SNX5: variants seen among roughly 807,000 people sequenced by gnomAD.
The protein encoded by SNX5 is sorting nexin 5, also known as sorting nexin-5.
Under a neutral mutation model 53.9 loss-of-function variants are expected in SNX5, and 31 were observed. That is an observed-to-expected ratio of 0.58 (90% CI 0.43 to 0.78). The LOEUF is 0.78. SNX5 is among the 30% of genes least tolerant of loss of function. The pLI is 0.00. For synonymous variants in SNX5, 168 were observed against 171.1 expected, an observed-to-expected ratio of 0.98 and a Z score of 0.14; for missense variants, 471 against 478.8, an observed-to-expected ratio of 0.98 and a Z score of 0.15.
At chr20:17,966,628 T>C (rs1197239123) in intron 1 of SNX5, among the ~76,000 whole-genome samples, 2 of 152,222 alleles carry the variant, frequency 1.3e-5, no homozygotes, top group African/African-American at 4.8e-5. Flanking sequence ...AAGAATCAAG[T>C]ATGTCCCCCT....
intron 1 of SNX5, among the ~76,000 whole-genome samples, chr20:17,958,038 T>C (rs896078751): frequency 1.4e-5 from 2 of 144,814 alleles, no homozygotes; most frequent in African/African-American, 5.1e-5. Context: ...GAGAGAACAG[T>C]GGCAGCACTA....
At chr20:17,961,969 C>A (rs2035460131) in intron 1 of SNX5, 2 of 977,984 alleles carry the variant, frequency 2.0e-6, no homozygotes, top group Non-Finnish European at 2.4e-6. Flanking sequence ...TTAATGTCCA[C>A]AAATATTAAA....
In SNX5 at chr20:17,957,006, T is replaced by C. The variant is rs114912822; in HGVS notation, c.83A>G (p.Asp28Gly). ...LRSVSVDLNVDPSLQIDIPDA... is the reference protein window; with the variant it reads ...LRSVSVDLNVGPSLQIDIPDA... The stretch of plus-strand genomic sequence containing the variant: ...AGGTATGTCAATCTGAAGCGAGGGA[T>C]CAACATTCAGGTCCACAGATACAGA... The change falls in exon 2 of 13, where the codon GAT (aspartate) becomes GGT (glycine). Residue 28 changes from aspartate (D) to glycine (G), a missense_variant. By Grantham distance (94) the Asp-to-Gly change is moderately conservative. Transcript: ENST00000377759. 7 of 1,608,392 alleles carry C rather than the reference T, an allele frequency of 4.4e-6. No individual in the cohort carries two copies. In the East Asian group the frequency reaches 1.6e-4, roughly 36 times the overall value.
chr20:17,956,531 C>T (rs567608470), intron 2 of SNX5, among the ~76,000 whole-genome samples: 17 of 152,096 alleles, frequency 1.1e-4, no homozygotes, highest in African/African-American at 4.1e-4. Context: ...GAGTTTGAGC[C>T]GAGTGTGGTG....
intron 5 of SNX5, among the ~76,000 whole-genome samples, chr20:17,952,297 T>C (rs2039581453): frequency 6.6e-6 from 1 of 152,230 alleles, no homozygotes; most frequent in South Asian, 2.1e-4. Flanking sequence ...AAATTTTAAT[T>C]TCCTTAAAAT....
At chr20:17,951,063 T>C (rs1330998902) in intron 6 of SNX5, 4 of 161,016 alleles carry the variant, frequency 2.5e-5, no homozygotes, top group Admixed American at 2.4e-4. Flanking sequence ...CTTGTCTTTG[T>C]GCTAACGCCT....
At chr20:17,949,540 A>G (rs949845236) in intron 8 of SNX5, among the ~76,000 whole-genome samples, 1 of 152,226 alleles carries the variant, frequency 6.6e-6, no homozygotes, top group African/African-American at 2.4e-5. Flanking sequence ...ATTGTCTTAC[A>G]CCAGAAATGC....
At chr20:17,963,277 T>G (rs2035487404) in intron 1 of SNX5, among the ~76,000 whole-genome samples, 1 of 151,900 alleles carries the variant, frequency 6.6e-6, no homozygotes, top group African/African-American at 2.4e-5. Flanking sequence ...GCCAGGAGTT[T>G]GAGACAAGCC....
At chr20:17,952,359 A>G (rs1404544231) in intron 5 of SNX5, among the ~76,000 whole-genome samples, 7 of 152,214 alleles carry the variant, frequency 4.6e-5, no homozygotes, top group Non-Finnish European at 8.8e-5. Flanking sequence ...GATGTTTGGG[A>G]CTGTTAATTT....
intron 8 of SNX5, 48 bp downstream of exon 8, chr20:17,950,084 G>A (rs552373688): frequency 4.6e-6 from 7 of 1,510,384 alleles, no homozygotes; most frequent in East Asian, 2.3e-5. Flanking sequence ...TACACCACTC[G>A]GCACTCTTCA....
chr20:17,950,004 G>C (rs76714165), intron 8 of SNX5, 128 bp downstream of exon 8: 3 of 728,042 alleles, frequency 4.1e-6, no homozygotes, highest in Non-Finnish European at 6.9e-6. Context: ...ATGAGTGCTA[G>C]AGACTTGTCT....
chr20:17,967,499 TCTC>T (rs2035566141), intron 1 of SNX5, among the ~76,000 whole-genome samples: 1 of 152,196 alleles, frequency 6.6e-6, no homozygotes, highest in African/African-American at 2.4e-5. Flanking sequence ...GCCTTTAACT[TCTC>T]AAGAAATGTG....
Position 17,968,544 on chromosome 20 carries a change from C to A in SNX5, c.-119G>T, listed in dbSNP as rs1477005697. On this transcript the variant is annotated 5_prime_UTR_variant, in exon 1 of 13. An upstream open reading frame in the 5' UTR gains an earlier in-frame stop. Coordinates refer to ENST00000377759, the MANE Select transcript of SNX5 (RefSeq NM_014426.4). ...GCCACGGCCCCGCCTCCGCCGGCCT[C>A]CCTGCCCGACGGCGGCAGGAGGCCT... 6.2e-6 allele frequency: 6 copies of A among 969,260 alleles called. No homozygotes were observed. Among genetic ancestry groups the A allele is most frequent in the Non-Finnish European group, 7.2e-6 (5 of 690,262 alleles). The allele number at this position is 969,260 out of a possible 1,614,324, so 60.0% of individuals were successfully genotyped here.
chr20:17,950,063 A>G (rs777498328), intron 8 of SNX5, 69 bp downstream of exon 8: 72 of 1,363,448 alleles, frequency 5.3e-5, no homozygotes, highest in Non-Finnish European at 6.9e-5. Context: ...CTACTCATTT[A>G]TGCTTTTAAT....
Position 17,968,740 on chromosome 20 carries a change from G to A in SNX5, c.-315C>T, listed in dbSNP as rs1244192330. The stretch of plus-strand genomic sequence containing the variant: ...CGAGGAGGCCGCCAACCGCAGGGCC[G>A]CGACACGGACGGGAAGCAACGGACA... On this transcript the variant is annotated 5_prime_UTR_variant, in exon 1 of 13. Transcript: ENST00000377759. 3 of 404,210 alleles carry A rather than the reference G, an allele frequency of 7.4e-6. No individual in the cohort carries two copies. Among genetic ancestry groups the A allele is most frequent in the Non-Finnish European group, 1.4e-5 (3 of 220,296 alleles). The allele number at this position is 404,210 out of a possible 1,614,324, so 25.0% of individuals were successfully genotyped here. A position where few individuals can be genotyped will look rare whatever the true frequency, so the allele number is the denominator to read the frequency against.
intron 5 of SNX5, among the ~76,000 whole-genome samples, chr20:17,952,024 C>T (rs990322638): frequency 1.1e-4 from 17 of 152,164 alleles, no homozygotes; most frequent in African/African-American, 3.6e-4. Context: ...GAGATCGAGA[C>T]CATCTTGGCT....
chr20:17,945,112 TAA>T (rs1491489723), intron 11 of SNX5: 1 of 152,224 alleles, frequency 6.6e-6, no homozygotes, highest in Non-Finnish European at 1.5e-5. Flanking sequence ...ACATCCAAGT[TAA>T]AAAGTCACAA....
intron 2 of SNX5, among the ~76,000 whole-genome samples, chr20:17,956,697 A>AAAAAAAAAAAAAAC (rs2035365731): frequency 7.9e-6 from 1 of 126,648 alleles, no homozygotes; most frequent in African/African-American, 2.7e-5. Context: ...AAAAAAAAAA[A>AAAAAAAAAAAAAAC]AAAAAAACAA....
chr20:17,952,824 GGAC>G, intron 4 of SNX5, 114 bp from the exon 5 acceptor site: 1 of 1,223,608 alleles, frequency 8.2e-7, no homozygotes, highest in Non-Finnish European at 1.1e-6. Context: ...CACTGCAACT[GGAC>G]CAAACAGTAT....
Sources: gnomAD v4.1 joint callset for allele counts (sites outside exome capture counted in the v4.1 genomes callset) on GRCh38, gnomAD v4.1.1 for gene constraint, MANE v1.5 for transcripts, NCBI Gene and HGNC (gene_info 2026-07-23, HGNC 2026-07-21) for gene names.